Variants in KDM1B observed in about 807,000 individuals in gnomAD.
KDM1B encodes lysine-specific histone demethylase 2.
Under a neutral mutation model 107.4 loss-of-function variants are expected in KDM1B, and 63 were observed. That is an observed-to-expected ratio of 0.59 (90% CI 0.48 to 0.72). KDM1B has a LOEUF of 0.72. KDM1B is among the 30% of genes least tolerant of loss of function. The pLI is 0.00. For synonymous variants in KDM1B, 363 were observed against 363.9 expected, an observed-to-expected ratio of 1.00 and a Z score of 0.03; for missense variants, 749 against 1,020.8, an observed-to-expected ratio of 0.73 and a Z score of 3.63.
chr6:18,221,830 T>TA (rs1053287742), intron 21 of KDM1B, 79 bp from the exon 22 acceptor site: 6 of 1,148,722 alleles, frequency 5.2e-6, no homozygotes, highest in African/African-American at 4.7e-5. Context: ...TTAGACCAGA[T>TA]AAAGTCTAAC....
At chr6:18,171,338 T>C in intron 6 of KDM1B, 25 bp from the exon 7 acceptor site, 1 of 1,151,972 alleles carries the variant, frequency 8.7e-7, no homozygotes, top group Non-Finnish European at 1.3e-6. Flanking sequence ...CACTTGTTCA[T>C]CTTGACTTGA....
At chr6:18,173,293 G>A (rs775237746) in intron 7 of KDM1B, among the ~76,000 whole-genome samples, 1 of 151,996 alleles carries the variant, frequency 6.6e-6, no homozygotes, top group Non-Finnish European at 1.5e-5. Context: ...CCTACTAACT[G>A]GTGATCTTGA....
Position 18,207,549 on chromosome 6 carries a change from A to G in KDM1B, c.1791+20A>G, listed in dbSNP as rs1788467576. The stretch of plus-strand genomic sequence containing the variant: ...TCTCCAGTGAGTATCAACTGCTGGG[A>G]GGCTCTGGCTCGCCTTGTTTGGGGA... On this transcript the variant is annotated intron_variant, in intron 16 of 21. Transcript: ENST00000650836. 2 of 1,613,550 alleles carry G rather than the reference A, an allele frequency of 1.2e-6. No individual in the cohort carries two copies. The highest frequency in any genetic ancestry group is 8.5e-7 in the Non-Finnish European group (1 of 1,179,574).
At chr6:18,166,177 G>A in intron 5 of KDM1B, 90 bp from the exon 6 acceptor site, 3 of 645,624 alleles carry the variant, frequency 4.6e-6, no homozygotes, top group Non-Finnish European at 8.5e-6. Flanking sequence ...TGTTACGTAA[G>A]ATTTACTAAC....
chr6:18,161,225 C>A, intron 3 of KDM1B, 102 bp from the exon 4 acceptor site: 1 of 1,040,772 alleles, frequency 9.6e-7, no homozygotes, highest in Non-Finnish European at 1.4e-6. Context: ...ATGTTTTTGA[C>A]CTTCATGTTT....
At chr6:18,170,483 C>T (rs1261649376) in intron 6 of KDM1B, among the ~76,000 whole-genome samples, 1 of 151,694 alleles carries the variant, frequency 6.6e-6, no homozygotes, top group East Asian at 1.9e-4. Context: ...TTATTTTACG[C>T]TGATTTTTTT....
At chr6:18,165,262 C>A (rs144939249) in intron 5 of KDM1B, among the ~76,000 whole-genome samples, 8 of 149,244 alleles carry the variant, frequency 5.4e-5, no homozygotes, top group African/African-American at 2.0e-4. Flanking sequence ...TCCCAAGTAG[C>A]TGGGACTACA....
intron 7 of KDM1B, among the ~76,000 whole-genome samples, chr6:18,179,783 G>A (rs1344887163): frequency 6.7e-6 from 1 of 148,290 alleles, no homozygotes; most frequent in African/African-American, 2.5e-5. Context: ...ACCTGAGCCT[G>A]GGATTAGATT....
rs1174297277 is a variant in KDM1B, at chr6:18,209,544, C to T, written c.1866+1338C>T. Among the ~76,000 whole-genome samples the T allele has an allele frequency of 6.6e-6, 1 of 152,166 alleles. No individual in the cohort carries two copies. Among genetic ancestry groups the T allele is most frequent in the Non-Finnish European group, 1.5e-5 (1 of 68,032 alleles). On this transcript the variant is annotated intron_variant, in intron 17 of 21. Coordinates refer to ENST00000650836, the MANE Select transcript of KDM1B (RefSeq NM_001364614.2). The surrounding 1 kb of genome is among the most constrained non-coding windows in gnomAD (Gnocchi z 4.3). The stretch of plus-strand genomic sequence containing the variant: ...CTGCACGTCGGAACCACCTGGGAGG[C>T]GCTTACAAAGAAAGGCTGGAAAGCC...
At chr6:18,157,699 ATAAT>A (rs200737723) in intron 2 of KDM1B, among the ~76,000 whole-genome samples, 1,536 of 151,784 alleles carry the variant, frequency 0.01, 29 homozygotes, top group African/African-American at 0.035. Context: ...TATGTATATA[ATAAT>A]TAATATTTAT....
Position 18,214,854 on chromosome 6 carries a change from G to A in KDM1B, c.2110-153G>A, listed in dbSNP as rs1030084034. Reference sequence around the variant, plus strand: ...GAACCTGGGAGGCAGAGGTTGCAGTGAGCCAAGATTGCACCATTGCACTCC... The same window carrying A: ...GAACCTGGGAGGCAGAGGTTGCAGTAAGCCAAGATTGCACCATTGCACTCC... On this transcript the variant is annotated intron_variant, in intron 19 of 21. Transcript: ENST00000650836. The surrounding 1 kb of genome is among the most constrained non-coding windows in gnomAD (Gnocchi z 4.4). 2.6e-4 allele frequency among the ~76,000 whole-genome samples: 40 copies of A among 152,150 alleles called. No individual in the cohort carries two copies. The highest frequency in any genetic ancestry group is 9.8e-4 in the Admixed American group (15 of 15,272).
chr6:18,188,530 A>T (rs1228945013), intron 9 of KDM1B, among the ~76,000 whole-genome samples: 1 of 152,144 alleles, frequency 6.6e-6, no homozygotes, highest in Non-Finnish European at 1.5e-5. Context: ...GCCTCTAATT[A>T]TTGCCACTGG....
chr6:18,185,996 C>G lies in KDM1B; in HGVS notation c.573+186C>G, dbSNP rs146064860. ...TAGTGATATTATGGGTAGTCCTGTC[C>G]CCAACTTAAAAAATAAAAATAAAGT... On this transcript the variant is annotated intron_variant, in intron 8 of 21. Transcript: ENST00000650836. 2.9e-3 allele frequency among the ~76,000 whole-genome samples: 437 copies of G among 152,046 alleles called. 3 individuals carry two copies. Among genetic ancestry groups the G allele is most frequent in the African/African-American group, 9.6e-3 (399 of 41,460 alleles).
At chr6:18,182,278 C>T (rs995445275) in intron 7 of KDM1B, among the ~76,000 whole-genome samples, 2 of 152,018 alleles carry the variant, frequency 1.3e-5, no homozygotes, top group African/African-American at 4.8e-5. Context: ...CTTATTGTTC[C>T]AGTATGAATC....
At position 18,160,089 on chromosome 6, in the gene KDM1B, G is replaced by C. The variant is rs1289487739; in HGVS notation, c.87+107G>C. Reference sequence around the variant, plus strand: ...GATTACTCCAGCCCTCAAGTTGCTTGTATTCTAGGGGAGAAATTCTCAGTA... The same window carrying C: ...GATTACTCCAGCCCTCAAGTTGCTTCTATTCTAGGGGAGAAATTCTCAGTA... On this transcript the variant is annotated intron_variant, in intron 3 of 21. Coordinates refer to ENST00000650836, the MANE Select transcript of KDM1B (RefSeq NM_001364614.2). 1.3e-5 allele frequency: 9 copies of C among 681,888 alleles called. No individual in the cohort carries two copies. The Admixed American group carries it at 2.4e-4, about 18-fold the overall frequency. 42.2% of individuals were successfully genotyped at this position (681,888 alleles called of 1,614,324 possible). A position where few individuals can be genotyped will look rare whatever the true frequency, so the allele number is the denominator to read the frequency against.
chr6:18,210,355 T>C (rs1788757166), intron 17 of KDM1B, among the ~76,000 whole-genome samples: 4 of 47,952 alleles, frequency 8.3e-5, no homozygotes, highest in Non-Finnish European at 1.6e-4. Context: ...TTTTTTTTTT[T>C]TTTTTTTTTT....
intron 10 of KDM1B, among the ~76,000 whole-genome samples, chr6:18,194,274 A>G (rs1787500367): frequency 6.6e-6 from 1 of 152,134 alleles, no homozygotes; most frequent in Admixed American, 6.5e-5. Context: ...CTTGGCCTCC[A>G]AAGTGCTGGG....
At position 18,186,295 on chromosome 6, in the gene KDM1B, A is replaced by C. The variant is rs1335959483; in HGVS notation, c.573+485A>C. On this transcript the variant is annotated intron_variant, in intron 8 of 21. Transcript: ENST00000650836. The surrounding 1 kb of genome is among the most constrained non-coding windows in gnomAD (Gnocchi z 5.6). The stretch of plus-strand genomic sequence containing the variant: ...GGGGAGCAGTACTTCCAGCTGGCAA[A>C]GCTGGTCACATTTCCTCTGTTTTCA... Among the ~76,000 whole-genome samples the C allele has an allele frequency of 6.6e-6, 1 of 152,206 alleles. No individual in the cohort carries two copies. Among genetic ancestry groups the C allele is most frequent in the Non-Finnish European group, 1.5e-5 (1 of 68,036 alleles).
chr6:18,163,532 G>A (rs1785102145), intron 5 of KDM1B, among the ~76,000 whole-genome samples: 1 of 151,722 alleles, frequency 6.6e-6, no homozygotes, highest in African/African-American at 2.4e-5. Flanking sequence ...TTTATTTTTA[G>A]ATCTTTCTTC....
Sources: allele counts gnomAD v4.1 joint callset (sites outside exome capture counted in the v4.1 genomes callset), GRCh38; gene constraint gnomAD v4.1.1; non-coding constraint Gnocchi (gnomAD v3.1); transcripts MANE v1.5; gene names NCBI Gene and HGNC (gene_info 2026-07-23, HGNC 2026-07-21).